Variants in MAGI2 observed in about 807,000 individuals in gnomAD.
The protein encoded by MAGI2 is membrane-associated guanylate kinase, WW and PDZ domain-containing protein 2.
In MAGI2, 35 loss-of-function variants were observed where a neutral mutation model predicts 133.3. That is an observed-to-expected ratio of 0.26 (90% CI 0.20 to 0.35). The LOEUF is 0.35. Among genes scored for constraint, MAGI2 ranks in the 10% least tolerant of loss-of-function variants. The pLI is 1.00. For missense variants in MAGI2, 1,636 were observed against 1,863.4 expected (o/e 0.88, Z 2.25); for synonymous variants, 729 against 710.6 (o/e 1.03, Z -0.41).
chr7:79,132,076 T>A (rs1820985142), intron 1 of MAGI2, among the ~76,000 whole-genome samples: 1 of 152,158 alleles, frequency 6.6e-6, no homozygotes, highest in Non-Finnish European at 1.5e-5. Flanking sequence ...CAATTCAAAT[T>A]AAGAATATTA....
At chr7:79,211,364 T>C (rs1431673552) in intron 1 of MAGI2, among the ~76,000 whole-genome samples, 1 of 151,982 alleles carries the variant, frequency 6.6e-6, no homozygotes, top group Non-Finnish European at 1.5e-5. Context: ...GCAGCCCTGA[T>C]CTCCCGGTTC....
chr7:78,267,995 CCCCT>C (rs1402991383), intron 9 of MAGI2, among the ~76,000 whole-genome samples: 2 of 152,100 alleles, frequency 1.3e-5, no homozygotes, highest in Non-Finnish European at 2.9e-5. Flanking sequence ...TTTAAGTTGC[CCCCT>C]CCCTCTGTAC....
chr7:78,832,988 C>A (rs889292735), intron 2 of MAGI2, among the ~76,000 whole-genome samples: 1 of 152,212 alleles, frequency 6.6e-6, no homozygotes, highest in East Asian at 1.9e-4. Flanking sequence ...CTATAAATGC[C>A]CTCATCTTGC....
At chr7:78,596,756 C>T (rs189258646) in intron 3 of MAGI2, among the ~76,000 whole-genome samples, 3 of 152,240 alleles carry the variant, frequency 2.0e-5, no homozygotes, top group South Asian at 4.1e-4. Context: ...TTCTTACTTA[C>T]CAATTACTTC....
chr7:79,035,214 C>T (rs934572489), intron 1 of MAGI2, among the ~76,000 whole-genome samples: 5 of 9,970 alleles, frequency 5.0e-4, no homozygotes, highest in Non-Finnish European at 7.8e-4. Flanking sequence ...GTGGTGGCGG[C>T]GGGGGCAGGG....
chr7:78,692,023 T>C (rs1817015430), intron 2 of MAGI2, among the ~76,000 whole-genome samples: 1 of 152,152 alleles, frequency 6.6e-6, no homozygotes, highest in African/African-American at 2.4e-5. Flanking sequence ...TCTCTGTACC[T>C]TCCTCTCAAT....
chr7:79,380,882 G>T (rs1843727025), intron 1 of MAGI2, among the ~76,000 whole-genome samples: 1 of 151,608 alleles, frequency 6.6e-6, no homozygotes. Flanking sequence ...TTAAAACGAT[G>T]GCAGTAAACA....
chr7:78,768,552 C>T (rs1207863), intron 2 of MAGI2, among the ~76,000 whole-genome samples: 133,996 of 152,168 alleles, frequency 0.88, 59,083 homozygotes, highest in East Asian at 1. Context: ...AAGGTGCTCA[C>T]GATGAAAACC....
At chr7:78,433,343 C>A (rs1244817350) in intron 6 of MAGI2, among the ~76,000 whole-genome samples, 1 of 152,014 alleles carries the variant, frequency 6.6e-6, no homozygotes, top group Non-Finnish European at 1.5e-5. Flanking sequence ...ACCTTTCAAG[C>A]ATTTAAGGAC....
intron 1 of MAGI2, among the ~76,000 whole-genome samples, chr7:79,436,173 C>A (rs1019688119): frequency 6.8e-6 from 1 of 146,928 alleles, no homozygotes; most frequent in African/African-American, 2.5e-5. Flanking sequence ...TTCAGTGAGC[C>A]GAGATCGTGC....
intron 6 of MAGI2, chr7:78,487,114 A>G (rs1793104185): frequency 3.8e-6 from 1 of 260,068 alleles, no homozygotes; most frequent in African/African-American, 2.2e-5. Context: ...TAACTCATCT[A>G]ACTGCTTCCC....
At chr7:78,351,798 T>A (rs12705410) in intron 7 of MAGI2, 109,933 of 151,976 alleles carry the variant, frequency 0.72, 39,911 homozygotes, top group Admixed American at 0.77. Context: ...CATGTTTGAA[T>A]AAATGGAATA....
chr7:79,381,313 A>T (rs1843761863), intron 1 of MAGI2, among the ~76,000 whole-genome samples: 1 of 151,676 alleles, frequency 6.6e-6, no homozygotes, highest in Admixed American at 6.6e-5. Flanking sequence ...GGAAATCTAT[A>T]ATATTCTCTT....
intron 15 of MAGI2, among the ~76,000 whole-genome samples, chr7:78,163,271 G>A (rs1388889609): frequency 2.0e-5 from 3 of 152,086 alleles, no homozygotes; most frequent in African/African-American, 7.2e-5. Context: ...CCGAGTAGCT[G>A]AGACTACAGG....
intron 1 of MAGI2, among the ~76,000 whole-genome samples, chr7:79,217,990 T>A (rs1830154945): frequency 6.6e-6 from 1 of 151,858 alleles, no homozygotes; most frequent in African/African-American, 2.4e-5. Context: ...GGCTTTTGAT[T>A]TGAAAAAAAA....
At chr7:79,154,558 T>C (rs1226070938) in intron 1 of MAGI2, among the ~76,000 whole-genome samples, 1 of 152,152 alleles carries the variant, frequency 6.6e-6, no homozygotes, top group African/African-American at 2.4e-5. Flanking sequence ...AGTACTTCAA[T>C]GGCTGCCTTT....
At position 79,335,077 on chromosome 7, in the gene MAGI2, A is replaced by C. The variant is rs1212420488; in HGVS notation, c.301+117943T>G. ...TACGACTTGGTGAATCATCTTTGTA[A>C]AAGAACAACATAAATATAAATGTAA... On this transcript the variant is annotated intron_variant, in intron 1 of 21. Transcript: ENST00000354212. 3.3e-5 allele frequency among the ~76,000 whole-genome samples: 5 copies of C among 152,258 alleles called. No individual in the cohort carries two copies. The South Asian group carries it at 1.0e-3, about 32-fold the overall frequency.
intron 3 of MAGI2, among the ~76,000 whole-genome samples, chr7:78,529,668 G>GGTTTTTTTTTT (rs1797278866): frequency 1.7e-5 from 1 of 57,382 alleles, no homozygotes; most frequent in African/African-American, 5.5e-5. Context: ...AAAGGAGATG[G>GGTTTTTTTTTT]TTTTTTTTTT....
At chr7:78,083,214 C>G (rs549993823) in intron 20 of MAGI2, among the ~76,000 whole-genome samples, 1 of 152,102 alleles carries the variant, frequency 6.6e-6, no homozygotes, top group South Asian at 2.1e-4. Context: ...GATGTAGTCT[C>G]TTTCTATACT....
Sources: gnomAD v4.1 joint callset for allele counts (sites outside exome capture counted in the v4.1 genomes callset) on GRCh38, gnomAD v4.1.1 for gene constraint, MANE v1.5 for transcripts, NCBI Gene and HGNC (gene_info 2026-07-23, HGNC 2026-07-21) for gene names.